NOTCH1: variants seen among roughly 807,000 people sequenced by gnomAD.
The protein encoded by NOTCH1 is notch receptor 1.
Under a neutral mutation model 254.8 loss-of-function variants are expected in NOTCH1, and 37 were observed. The observed-to-expected ratio is 0.15, with a 90% CI of 0.11 to 0.19. The LOEUF (loss-of-function observed/expected upper bound fraction) is 0.19. Ranked by LOEUF, NOTCH1 falls within the 10% of genes least tolerant of loss-of-function variation. The pLI, the probability that NOTCH1 is intolerant of heterozygous loss-of-function variation, is 1.00. For synonymous variants in NOTCH1, 1,731 were observed against 1,618.1 expected, an observed-to-expected ratio of 1.07 and a Z score of -1.68; for missense variants, 2,972 against 3,708.6, an observed-to-expected ratio of 0.80 and a Z score of 5.16.
chr9:136,495,913 C>T lies in NOTCH1; in HGVS notation c.*158G>A. On this transcript the variant is annotated 3_prime_UTR_variant, in exon 34 of 34. Transcript: ENST00000651671. ...AGTGTTTCTGTGTAAAATAAAAGTA[C>T]ATAAATAAATACTAAAAAAAATTAA... The T allele has an allele frequency of 1.3e-6, 1 of 774,914 alleles. No individual in the cohort carries two copies. The highest frequency in any genetic ancestry group is 2.0e-6 in the Non-Finnish European group (1 of 505,482). The allele number at this position is 774,914 out of a possible 1,614,324, so 48.0% of individuals were successfully genotyped here.
chr9:136,532,853 G>T (rs964645761), intron 2 of NOTCH1, among the ~76,000 whole-genome samples: 1 of 152,216 alleles, frequency 6.6e-6, no homozygotes, highest in Admixed American at 6.5e-5. Context: ...AAGGGGGAAG[G>T]TCTCGTGGGG....
At chr9:136,497,780 G>T (rs1156923070) in intron 33 of NOTCH1, among the ~76,000 whole-genome samples, 1 of 152,184 alleles carries the variant, frequency 6.6e-6, no homozygotes, top group East Asian at 1.9e-4. Context: ...CCAGAGAGGG[G>T]ATCTGTGCAG....
rs587778565 is a variant in NOTCH1, at chr9:136,508,365, G to A, written c.3192C>T (p.Asp1064=). The A allele has an allele frequency of 6.2e-7, 1 of 1,613,246 alleles. No homozygotes were observed. Among genetic ancestry groups the A allele is most frequent in the Non-Finnish European group, 8.5e-7 (1 of 1,180,000 alleles). Residue 1064 remains aspartate, a synonymous_variant, in exon 20 of 34, where the codon GAC becomes GAT. Transcript: ENST00000651671. ...TGCCGCCGTTCTTGCAGGGCGAGGAGTCACACCAGTGCACAAGGTTCTGGG... is the reference window on the plus strand; with the variant it reads ...TGCCGCCGTTCTTGCAGGGCGAGGAATCACACCAGTGCACAAGGTTCTGGG... ...PNCQNLVHWC[D]SSPCKNGGKC...
chr9:136,526,572 G>A (rs915571031), intron 2 of NOTCH1, among the ~76,000 whole-genome samples: 2 of 152,186 alleles, frequency 1.3e-5, no homozygotes, highest in Non-Finnish European at 2.9e-5. Context: ...GAGGGGAGAC[G>A]CTGGAGGTCC....
At chr9:136,511,082 G>T in intron 16 of NOTCH1, 70 bp downstream of exon 16, 1 of 1,608,968 alleles carries the variant, frequency 6.2e-7, no homozygotes, top group East Asian at 2.2e-5. Flanking sequence ...AGCCTGCCTG[G>T]GAGCTGCCTG....
intron 4 of NOTCH1, 58 bp downstream of exon 4, chr9:136,522,792 C>A: frequency 7.0e-7 from 1 of 1,423,354 alleles, no homozygotes; most frequent in Non-Finnish European, 9.2e-7. Flanking sequence ...CCGTTCCCAC[C>A]CCCTGGGCCT....
chr9:136,521,095 C>T (rs1259172473), intron 4 of NOTCH1, among the ~76,000 whole-genome samples: 1 of 152,230 alleles, frequency 6.6e-6, no homozygotes, highest in African/African-American at 2.4e-5. Context: ...TCCTGGGCTC[C>T]TGACCACCCA....
Position 136,496,155 on chromosome 9 carries a change from G to A in NOTCH1, c.7584C>T (p.Asn2528=), listed in dbSNP as rs778937268. Residue 2528 remains asparagine, a synonymous_variant, in exon 34 of 34, where the codon AAC becomes AAT. Transcript: ENST00000651671. The stretch of plus-strand genomic sequence containing the variant: ...AGACGCCCTCGGACCAGTCGGAGAC[G>A]TTGGAATGCGGGGACGAGCTGGACC... ...DQWSSSSPHS[N]VSDWSEGVSS... is the part of the protein sequence containing the mutation. The A allele has an allele frequency of 1.3e-5, 21 of 1,610,114 alleles. No homozygotes were observed. Among genetic ancestry groups the A allele is most frequent in the African/African-American group, 5.3e-5 (4 of 74,940 alleles).
chr9:136,502,577 C>T (rs995311121), intron 27 of NOTCH1, 89 bp from the exon 28 acceptor site: 33 of 755,512 alleles, frequency 4.4e-5, no homozygotes, highest in African/African-American at 1.1e-4. Flanking sequence ...GGACTGGCTC[C>T]GCGTCCGGGC....
At chr9:136,501,558 GT>G (rs748546109) in intron 30 of NOTCH1, among the ~76,000 whole-genome samples, 189 bp downstream of exon 30, 1 of 152,184 alleles carries the variant, frequency 6.6e-6, no homozygotes, top group Non-Finnish European at 1.5e-5. Flanking sequence ...CCAGGAAGGG[GT>G]TGGTGGAAGA....
At chr9:136,533,897 G>C (rs1428138095) in intron 2 of NOTCH1, among the ~76,000 whole-genome samples, 1 of 152,248 alleles carries the variant, frequency 6.6e-6, no homozygotes, top group African/African-American at 2.4e-5. Context: ...GACTTGATGA[G>C]GCACGAACGC....
intron 2 of NOTCH1, among the ~76,000 whole-genome samples, chr9:136,526,395 C>T (rs1045761416): frequency 1.3e-5 from 2 of 152,248 alleles, no homozygotes; most frequent in African/African-American, 2.4e-5. Flanking sequence ...GGACAGAGGG[C>T]GCTCGGTCAT....
chr9:136,510,696 G>A lies in NOTCH1; in HGVS notation c.2697C>T (p.Tyr899=), dbSNP rs376152245. ...GGYRCHCQAG[Y]SGRNCETDID... ...TGTCGGTCTCGCAGTTGCGCCCACT[G>A]TAGCCGGCCTGGCAGTGGCAGCGGT... is the stretch of plus-strand genomic sequence containing the variant. The change falls in exon 17 of 34, where the codon TAC becomes TAT. Residue 899 remains tyrosine, a synonymous_variant. Coordinates refer to ENST00000651671, the MANE Select transcript of NOTCH1 (RefSeq NM_017617.5). 4 of 1,610,072 alleles carry A rather than the reference G, an allele frequency of 2.5e-6. No individual in the cohort carries two copies. In the African/African-American group the frequency reaches 5.3e-5, roughly 21 times the overall value.
chr9:136,533,414 C>T (rs376485810), intron 2 of NOTCH1, among the ~76,000 whole-genome samples: 4 of 151,558 alleles, frequency 2.6e-5, no homozygotes, highest in Non-Finnish European at 5.9e-5. Context: ...TGTTTCCGCT[C>T]GTCAACAGCT....
At position 136,543,568 on chromosome 9, in the gene NOTCH1, C is replaced by T; in HGVS notation, c.140+456G>A. On this transcript the variant is annotated intron_variant, in intron 2 of 33. Coordinates refer to ENST00000651671, the MANE Select transcript of NOTCH1 (RefSeq NM_017617.5). ...GAGGCATCACTACCAGCCCAAGAGG[C>T]ATCACCACCCACCTAGGAGGCATCA... The T allele has an allele frequency of 5.9e-6, 2 of 339,466 alleles. 1 individual carries two copies. The highest frequency in any genetic ancestry group is 4.6e-5 in the South Asian group (2 of 43,632). 21.0% of individuals were successfully genotyped at this position (339,466 alleles called of 1,614,324 possible).
chr9:136,497,469 C>G lies in NOTCH1; in HGVS notation c.6270G>C (p.Thr2090=), dbSNP rs755970286. The G allele has an allele frequency of 3.1e-6, 5 of 1,612,372 alleles. No individual in the cohort carries two copies. The South Asian group carries it at 5.5e-5, about 18-fold the overall frequency. Residue 2090 remains threonine (T), a synonymous_variant, in exon 34 of 34, where the codon ACG becomes ACC. Coordinates refer to ENST00000651671, the MANE Select transcript of NOTCH1 (RefSeq NM_017617.5). ...LLDHFANRDI[T]DHMDRLPRDI... ...CGCGCGGCAGGCGGTCCATATGATCCGTGATGTCCCGGTTGGCAAAGTGGT... is the reference window on the plus strand; with the variant it reads ...CGCGCGGCAGGCGGTCCATATGATCGGTGATGTCCCGGTTGGCAAAGTGGT...
rs1179907374 is a variant in NOTCH1 at position 136,505,378 on chromosome 9, G to A, written c.4518C>T (p.Asp1506=). ...GGCAGCCGGCTGAGTTGCACTGGCT[G>A]TCACAGTGGCCGTCACTGAAGTACT... is the stretch of plus-strand genomic sequence containing the variant. ...CWKYFSDGHC[D]SQCNSAGCLF... is the part of the protein sequence containing the mutation. Residue 1506 remains aspartate, a synonymous_variant, in exon 25 of 34, where the codon GAC becomes GAT. Coordinates refer to ENST00000651671, the MANE Select transcript of NOTCH1 (RefSeq NM_017617.5). 6.2e-7 allele frequency: 1 copy of A among 1,610,510 alleles called. No individual in the cohort carries two copies. Among genetic ancestry groups the A allele is most frequent in the Non-Finnish European group, 8.5e-7 (1 of 1,179,276 alleles).
intron 2 of NOTCH1, among the ~76,000 whole-genome samples, chr9:136,542,509 C>T (rs1031766636): frequency 4.6e-5 from 6 of 131,196 alleles, no homozygotes; most frequent in African/African-American, 1.5e-4. Flanking sequence ...AGCGTCCGTG[C>T]GGCTTCTGCA....
chr9:136,546,043 A>T lies in NOTCH1; in HGVS notation c.-257T>A, dbSNP rs948514622. On this transcript the variant is annotated 5_prime_UTR_variant, in exon 1 of 34. Coordinates refer to ENST00000651671, the MANE Select transcript of NOTCH1 (RefSeq NM_017617.5). The stretch of plus-strand genomic sequence containing the variant: ...TTGCGCTCCCTCCCGCGGCCGAGGC[A>T]CTAGTGAGGCTCAGAGTCGAGGTGC... 1.3e-5 allele frequency: 2 copies of T among 151,342 alleles called. No individual in the cohort carries two copies. Among genetic ancestry groups the T allele is most frequent in the Non-Finnish European group, 2.9e-5 (2 of 68,586 alleles). The allele number at this position is 151,342 out of a possible 1,614,324, so 9.4% of individuals were successfully genotyped here.
Sources: gnomAD v4.1 joint callset for allele counts (sites outside exome capture counted in the v4.1 genomes callset) on GRCh38, gnomAD v4.1.1 for gene constraint, MANE v1.5 for transcripts, NCBI Gene and HGNC (gene_info 2026-07-23, HGNC 2026-07-21) for gene names.